The following LPP variants were observed in gnomAD, a reference collection of about 807,000 sequenced individuals.
LPP encodes LIM domain containing preferred translocation partner in lipoma.
In LPP, 38 loss-of-function variants were observed where a neutral mutation model predicts 60.4. The ratio of observed to expected loss-of-function variants is 0.63; its 90% CI spans 0.49 to 0.83. The LOEUF (loss-of-function observed/expected upper bound fraction) is 0.83, where lower values mean the gene tolerates loss of function less well. Ranked by LOEUF, LPP falls within the 40% of genes least tolerant of loss-of-function variation. The probability of loss-of-function intolerance (pLI) is 0.00; values close to 1 mark genes in which losing one functional copy is unlikely to be tolerated. For synonymous variants in LPP, 328 were observed against 290.8 expected (o/e 1.13, Z -1.30); for missense variants, 902 against 783.6 (o/e 1.15, Z -1.80).
At chr3:188,203,729 C>T (rs1349832240) in intron 1 of LPP, among the ~76,000 whole-genome samples, 1 of 149,232 alleles carries the variant, frequency 6.7e-6, no homozygotes, top group Admixed American at 6.8e-5. Context: ...AATCCTTCTG[C>T]CTTGGCCTCC....
At chr3:188,854,491 T>C (rs1009869787) in intron 9 of LPP, among the ~76,000 whole-genome samples, 1 of 152,242 alleles carries the variant, frequency 6.6e-6, no homozygotes, top group Admixed American at 6.5e-5. Context: ...CATGTCTTTA[T>C]GGCCTTCCTA....
At chr3:188,638,386 T>C (rs1423104976) in intron 7 of LPP, among the ~76,000 whole-genome samples, 451 of 123,544 alleles carry the variant, frequency 3.7e-3, no homozygotes, top group South Asian at 7.6e-3. Flanking sequence ...GAGCTATCTA[T>C]GACAAACCCA....
chr3:188,250,408 G>A (rs929861428), intron 2 of LPP, among the ~76,000 whole-genome samples: 14 of 152,142 alleles, frequency 9.2e-5, no homozygotes, highest in South Asian at 2.1e-4. Context: ...CCATCTCTCC[G>A]TCATTGGGGA....
At chr3:188,763,133 A>G (rs1228050959) in intron 9 of LPP, among the ~76,000 whole-genome samples, 1 of 152,194 alleles carries the variant, frequency 6.6e-6, no homozygotes, top group Non-Finnish European at 1.5e-5. Flanking sequence ...AACAGGAAGC[A>G]TATTCTGTGT....
chr3:188,744,516 G>A (rs1396841280), intron 8 of LPP, among the ~76,000 whole-genome samples: 23 of 152,140 alleles, frequency 1.5e-4, no homozygotes, highest in Non-Finnish European at 4.4e-5. Context: ...TTTTAGCTCT[G>A]CATGTATTCA....
chr3:188,196,543 G>A (rs960885483), intron 1 of LPP, among the ~76,000 whole-genome samples: 1 of 152,182 alleles, frequency 6.6e-6, no homozygotes, highest in African/African-American at 2.4e-5. Context: ...CTCTCCTGGA[G>A]TGCTTCAGCA....
chr3:188,285,060 G>A (rs1341775512), intron 2 of LPP, among the ~76,000 whole-genome samples: 1 of 152,148 alleles, frequency 6.6e-6, no homozygotes, highest in Non-Finnish European at 1.5e-5. Flanking sequence ...GTGAGGTCAG[G>A]GGCCCTGGTT....
At position 188,609,979 on chromosome 3, in the gene LPP, T is replaced by A; in HGVS notation, c.1113+135T>A. The A allele has an allele frequency of 1.2e-6, 1 of 844,622 alleles. No individual in the cohort carries two copies. The highest frequency in any genetic ancestry group is 1.8e-6 in the Non-Finnish European group (1 of 554,698). 52.3% of individuals were successfully genotyped at this position (844,622 alleles called of 1,614,324 possible). A position where few individuals can be genotyped will look rare whatever the true frequency, so the allele number is the denominator to read the frequency against. The stretch of plus-strand genomic sequence containing the variant: ...TGACAAATACAATCCCAGGGAAGGA[T>A]GAGTGAAGCCAGAGAGGAGAGAGAG... On this transcript the variant is annotated intron_variant, in intron 7 of 11. Transcript: ENST00000617246. The surrounding 1 kb of genome is among the most constrained non-coding windows in gnomAD (Gnocchi z 6.9).
chr3:188,279,272 C>T (rs1489810423), intron 2 of LPP, among the ~76,000 whole-genome samples: 1 of 152,238 alleles, frequency 6.6e-6, no homozygotes, highest in Non-Finnish European at 1.5e-5. Flanking sequence ...ACCAGCTTCA[C>T]TGGCCTTGAG....
intron 5 of LPP, among the ~76,000 whole-genome samples, chr3:188,493,243 G>A (rs76706721): frequency 1.1e-3 from 162 of 152,182 alleles, no homozygotes; most frequent in African/African-American, 3.8e-3. Context: ...ACCAAGATTT[G>A]CACACTATCA....
At chr3:188,562,440 C>A (rs889975228) in intron 6 of LPP, 4 of 151,916 alleles carry the variant, frequency 2.6e-5, no homozygotes, top group African/African-American at 9.7e-5. Flanking sequence ...GAAGTCAATC[C>A]TAGAAAGGAG....
chr3:188,631,766 A>G (rs537578397), intron 7 of LPP, among the ~76,000 whole-genome samples: 37 of 152,178 alleles, frequency 2.4e-4, no homozygotes, highest in Admixed American at 5.9e-4. Context: ...GGCACATTGA[A>G]GCATTCCAGG....
chr3:188,833,202 C>T (rs1345241251), intron 9 of LPP, among the ~76,000 whole-genome samples: 1 of 152,174 alleles, frequency 6.6e-6, no homozygotes, highest in African/African-American at 2.4e-5. Context: ...GGGAGACAGG[C>T]TCTCCAGGGA....
At chr3:188,679,556 TGTGTGTGCGC>T (rs1425313563) in intron 7 of LPP, among the ~76,000 whole-genome samples, 1 of 114,802 alleles carries the variant, frequency 8.7e-6, no homozygotes, top group South Asian at 2.9e-4. Flanking sequence ...TGTGTGTGTG[TGTGTGTGCGC>T]GCGCGCATGT....
intron 8 of LPP, among the ~76,000 whole-genome samples, chr3:188,758,186 A>C (rs1731012406): frequency 6.6e-6 from 1 of 152,102 alleles, no homozygotes; most frequent in Non-Finnish European, 1.5e-5. Flanking sequence ...GTTTGAGATG[A>C]AGTCTCGCTC....
intron 4 of LPP, among the ~76,000 whole-genome samples, chr3:188,469,383 A>C (rs973473988): frequency 6.6e-6 from 1 of 152,010 alleles, no homozygotes; most frequent in South Asian, 2.1e-4. Context: ...ACTTGGTTAC[A>C]TCATCGCATT....
chr3:188,163,375 C>T (rs1188395308), intron 1 of LPP, among the ~76,000 whole-genome samples: 5 of 152,138 alleles, frequency 3.3e-5, no homozygotes, highest in Admixed American at 6.5e-5. Context: ...AGCATGCACC[C>T]TTCCTGCTGA....
intron 1 of LPP, among the ~76,000 whole-genome samples, chr3:188,167,923 CTTA>C (rs1720491847): frequency 1.3e-5 from 2 of 152,062 alleles, no homozygotes; most frequent in South Asian, 2.1e-4. Context: ...TAAGAAATAT[CTTA>C]TTATTGTTTT....
intron 6 of LPP, 102 bp downstream of exon 6, chr3:188,524,889 T>G (rs573935661): frequency 4.2e-5 from 5 of 120,270 alleles, no homozygotes; most frequent in African/African-American, 6.3e-5. Flanking sequence ...CCTTCCTTCC[T>G]TCCGTCCGTC....
Sources: allele counts gnomAD v4.1 joint callset (sites outside exome capture counted in the v4.1 genomes callset), GRCh38; gene constraint gnomAD v4.1.1; non-coding constraint Gnocchi (gnomAD v3.1); transcripts MANE v1.5; gene names NCBI Gene and HGNC (gene_info 2026-07-23, HGNC 2026-07-21).